The following FOXN3 variants were observed in gnomAD, a reference collection of about 807,000 sequenced individuals.
FOXN3 encodes forkhead box protein N3.
FOXN3 carries 7 observed loss-of-function variants against 38.4 expected under a neutral mutation model. The ratio of observed to expected loss-of-function variants is 0.18; its 90% CI spans 0.10 to 0.34. The LOEUF (loss-of-function observed/expected upper bound fraction) is 0.34, where lower values mean the gene tolerates loss of function less well. Ranked by LOEUF, FOXN3 falls within the 10% of genes least tolerant of loss-of-function variation. The probability of loss-of-function intolerance (pLI) is 1.00; values close to 1 mark genes in which losing one functional copy is unlikely to be tolerated. For missense variants in FOXN3, 456 were observed against 613.4 expected, an observed-to-expected ratio of 0.74 and a Z score of 2.71; for synonymous variants, 230 against 242.2, an observed-to-expected ratio of 0.95 and a Z score of 0.47.
At chr14:89,274,290 G>A (rs1886236221) in intron 4 of FOXN3, among the ~76,000 whole-genome samples, 1 of 152,192 alleles carries the variant, frequency 6.6e-6, no homozygotes, top group African/African-American at 2.4e-5. Context: ...GAAATCATGA[G>A]AAAGGAAGGT....
chr14:89,296,627 G>T (rs1596163025), intron 3 of FOXN3, among the ~76,000 whole-genome samples: 1 of 152,098 alleles, frequency 6.6e-6, no homozygotes, highest in East Asian at 1.9e-4. Context: ...ATCTGCCCAG[G>T]GGCCCCAGGG....
chr14:89,555,046 C>G (rs1895088194), intron 1 of FOXN3, among the ~76,000 whole-genome samples: 1 of 152,126 alleles, frequency 6.6e-6, no homozygotes, highest in African/African-American at 2.4e-5. Context: ...CCACCTTGGC[C>G]TCCCAAAGTG....
At chr14:89,275,674 G>A (rs990522675) in intron 4 of FOXN3, among the ~76,000 whole-genome samples, 2 of 152,086 alleles carry the variant, frequency 1.3e-5, no homozygotes, top group African/African-American at 4.8e-5. Context: ...GTGGAGAAGG[G>A]GTGATAAACG....
At chr14:89,461,850 A>G (rs1892855345) in intron 1 of FOXN3, among the ~76,000 whole-genome samples, 1 of 152,144 alleles carries the variant, frequency 6.6e-6, no homozygotes, top group Non-Finnish European at 1.5e-5. Flanking sequence ...GAGGGCCAAA[A>G]TGAAAGAAAG....
At position 89,455,933 on chromosome 14, in the gene FOXN3, T is replaced by C. The variant is rs952160831; in HGVS notation, c.-14-43443A>G. ...ACCACAGGCCAGGCGCGGTGGCTCA[T>C]GCCTGTAATCCCAGCACTTTGGGAG... is the stretch of plus-strand genomic sequence containing the variant. On this transcript the variant is annotated intron_variant, in intron 1 of 6. Transcript: ENST00000345097. 7.2e-5 allele frequency among the ~76,000 whole-genome samples: 11 copies of C among 152,294 alleles called. No individual in the cohort carries two copies. In the East Asian group the frequency reaches 1.5e-3, roughly 21 times the overall value.
At chr14:89,338,466 T>G (rs1479751759) in intron 3 of FOXN3, among the ~76,000 whole-genome samples, 1 of 151,590 alleles carries the variant, frequency 6.6e-6, no homozygotes, top group Admixed American at 6.6e-5. Flanking sequence ...AAAAGATTCC[T>G]CACAATACAA....
At chr14:89,325,293 CA>C in intron 3 of FOXN3, among the ~76,000 whole-genome samples, 1 of 142,140 alleles carries the variant, frequency 7.0e-6, no homozygotes, top group African/African-American at 2.6e-5. Context: ...CCAACACCAC[CA>C]ACACCAACAC....
In FOXN3 at chr14:89,224,110, T is replaced by C. The variant is rs546746401; in HGVS notation, c.746-43304A>G. ...AATCTCAGTAAGGTCATATATACTA[T>C]ACAAGAAAACTTAAAAGACCACAAG... On this transcript the variant is annotated intron_variant, in intron 4 of 5. Coordinates refer to ENST00000557258, the MANE Select transcript of FOXN3 (RefSeq NM_005197.4). Among the ~76,000 whole-genome samples the C allele has an allele frequency of 4.6e-5, 7 of 151,956 alleles. No homozygotes were observed. The East Asian group carries it at 9.6e-4, about 21-fold the overall frequency.
chr14:89,473,064 A>G (rs961843447), intron 1 of FOXN3, among the ~76,000 whole-genome samples: 1 of 151,926 alleles, frequency 6.6e-6, no homozygotes. Flanking sequence ...TCGCTCTGTC[A>G]CCCAGGCTGG....
chr14:89,259,616 T>C (rs1008854131), intron 4 of FOXN3, among the ~76,000 whole-genome samples: 1 of 152,214 alleles, frequency 6.6e-6, no homozygotes, highest in Non-Finnish European at 1.5e-5. Flanking sequence ...TTGTAGGCCA[T>C]TGCAAATTCT....
intron 5 of FOXN3, 97 bp downstream of exon 5, chr14:89,180,604 G>A (rs1449936477): frequency 1.1e-5 from 9 of 824,654 alleles, no homozygotes; most frequent in African/African-American, 3.5e-5. Context: ...TCACTAGTTC[G>A]AAGCAGCTCC....
chr14:89,364,135 G>A (rs1890053834), intron 2 of FOXN3, among the ~76,000 whole-genome samples: 1 of 150,422 alleles, frequency 6.6e-6, no homozygotes, highest in Non-Finnish European at 1.5e-5. Flanking sequence ...AACCAGCCAA[G>A]TACATAAAAG....
At position 89,180,755 on chromosome 14, in the gene FOXN3, A is replaced by C; in HGVS notation, c.797T>G (p.Phe266Cys). 1 of 1,612,812 alleles carries C rather than the reference A, an allele frequency of 6.2e-7. No individual in the cohort carries two copies. The highest frequency in any genetic ancestry group is 8.5e-7 in the Non-Finnish European group (1 of 1,179,492). The part of the protein sequence containing the change: ...NGARVLSRGL[F>C]PGVRPLPITP... Reference sequence around the variant, plus strand: ...GATTGGCAGCGGCCGCACGCCAGGAAACAGCCCTCGGCTCAGGACCCGCGC... The same window carrying C: ...GATTGGCAGCGGCCGCACGCCAGGACACAGCCCTCGGCTCAGGACCCGCGC... The change falls in exon 5 of 6, where the codon TTT becomes TGT. Residue 266 changes from phenylalanine (F) to cysteine (C), a missense_variant. By Grantham distance (205) the Phe-to-Cys change is radical. Transcript: ENST00000557258.
In FOXN3 at chr14:89,350,840, A is replaced by C. The variant is rs1238097264; in HGVS notation, c.544-32T>G. ...AGAAAATTAAAATACAAAGGCATTA[A>C]TAGAGAATTATTAAGTACTTTGCAA... On this transcript the variant is annotated intron_variant, in intron 2 of 5. Transcript: ENST00000557258. 2.0e-6 allele frequency: 3 copies of C among 1,483,354 alleles called. No homozygotes were observed. In the African/African-American group the frequency reaches 4.3e-5, roughly 21 times the overall value. 91.9% of individuals were successfully genotyped at this position (1,483,354 alleles called of 1,614,324 possible). A position where few individuals can be genotyped will look rare whatever the true frequency, so the allele number is the denominator to read the frequency against.
intron 1 of FOXN3, among the ~76,000 whole-genome samples, chr14:89,445,977 C>T (rs538862661): frequency 6.7e-6 from 1 of 149,456 alleles, no homozygotes; most frequent in Non-Finnish European, 1.5e-5. Context: ...GGACATGCAC[C>T]TGTAGTCCTA....
intron 1 of FOXN3, among the ~76,000 whole-genome samples, chr14:89,440,278 C>G (rs1408734031): frequency 6.6e-6 from 1 of 152,182 alleles, no homozygotes; most frequent in Admixed American, 6.5e-5. Context: ...CTGGCTGCAG[C>G]AGCAGCCTCC....
At chr14:89,453,974 G>A (rs1041336014) in intron 1 of FOXN3, among the ~76,000 whole-genome samples, 11 of 151,510 alleles carry the variant, frequency 7.3e-5, no homozygotes, top group Non-Finnish European at 1.5e-4. Flanking sequence ...TCGTGAGGGT[G>A]GGGTCCCCAA....
In FOXN3 at chr14:89,461,315, C is replaced by T. The variant is rs575121024; in HGVS notation, c.-14-48825G>A. Reference sequence around the variant, plus strand: ...TCACACCACTGCACTCCAGGCCAGGCGACAGAGTGAGGCTCTGTCTCAAAA... The same window carrying T: ...TCACACCACTGCACTCCAGGCCAGGTGACAGAGTGAGGCTCTGTCTCAAAA... On this transcript the variant is annotated intron_variant, in intron 1 of 6. Coordinates refer to the FOXN3 transcript ENST00000345097. Among the ~76,000 whole-genome samples the T allele has an allele frequency of 1.0e-3, 153 of 150,904 alleles. 1 individual carries two copies. The highest frequency in any genetic ancestry group is 3.2e-3 in the African/African-American group (133 of 40,984).
chr14:89,449,695 G>A (rs2139709049), intron 1 of FOXN3, among the ~76,000 whole-genome samples: 1 of 152,288 alleles, frequency 6.6e-6, no homozygotes, highest in African/African-American at 2.4e-5. Flanking sequence ...CTCGTTTGGA[G>A]CAGTGGGTGA....
Sources: gnomAD v4.1 joint callset for allele counts (sites outside exome capture counted in the v4.1 genomes callset) on GRCh38, gnomAD v4.1.1 for gene constraint, MANE v1.5 for transcripts, NCBI Gene and HGNC (gene_info 2026-07-23, HGNC 2026-07-21) for gene names.